CCDC33: variants seen among roughly 807,000 people sequenced by gnomAD.
The protein encoded by CCDC33 is coiled-coil domain-containing protein 33.
In CCDC33, 94 loss-of-function variants were observed where a neutral mutation model predicts 91.9. The ratio of observed to expected loss-of-function variants is 1.02; its 90% confidence interval spans 0.87 to 1.21. The LOEUF (loss-of-function observed/expected upper bound fraction) is 1.21. Among genes scored for constraint, CCDC33 ranks in the 50% most tolerant of loss-of-function variants. CCDC33 has a pLI of 0.00. For synonymous variants in CCDC33, 396 were observed against 374.5 expected (o/e 1.06, Z -0.66); for missense variants, 940 against 935.5 (o/e 1.00, Z -0.06).
chr15:74,268,504 G>T lies in CCDC33; in HGVS notation c.546+46G>T. On this transcript the variant is annotated intron_variant, in intron 5 of 18. Transcript: ENST00000398814. Reference sequence around the variant, plus strand: ...TGGGGTGGTGGTGGGGGTGGGAAAGGGCCAAGCTTTGAGCAGGCCCCACGC... The same window carrying T: ...TGGGGTGGTGGTGGGGGTGGGAAAGTGCCAAGCTTTGAGCAGGCCCCACGC... 4.2e-6 allele frequency: 6 copies of T among 1,433,202 alleles called. 1 individual carries two copies. Among genetic ancestry groups the T allele is most frequent in the Non-Finnish European group, 5.9e-6 (6 of 1,021,628 alleles). 88.8% of individuals were successfully genotyped at this position (1,433,202 alleles called of 1,614,324 possible).
At chr15:74,261,552 T>C (rs60309162) in intron 2 of CCDC33, among the ~76,000 whole-genome samples, 8,097 of 152,250 alleles carry the variant, frequency 0.053, 296 homozygotes, top group South Asian at 0.15. Context: ...AGGTGTGTGG[T>C]GTGGCTCCCC....
intron 2 of CCDC33, among the ~76,000 whole-genome samples, chr15:74,222,975 A>G (rs900719301): frequency 5.3e-5 from 8 of 151,708 alleles, no homozygotes; most frequent in Non-Finnish European, 1.0e-4. Context: ...GATTGCATAC[A>G]CTATTTCTAT....
chr15:74,255,812 C>A (rs777794374), intron 2 of CCDC33, among the ~76,000 whole-genome samples: 1 of 152,252 alleles, frequency 6.6e-6, no homozygotes, highest in African/African-American at 2.4e-5. Flanking sequence ...TTTGGGGACA[C>A]GCTCTTGGGA....
chr15:74,232,940 G>T (rs1205266389), upstream of CCDC33, among the ~76,000 whole-genome samples: 2 of 152,178 alleles, frequency 1.3e-5, no homozygotes, highest in African/African-American at 4.8e-5. Context: ...ACCCAGACCA[G>T]ATATCATCCC....
intron 2 of CCDC33, among the ~76,000 whole-genome samples, chr15:74,261,745 GC>G (rs1318794537): frequency 6.6e-6 from 1 of 152,176 alleles, no homozygotes; most frequent in Non-Finnish European, 1.5e-5. Flanking sequence ...GAGGGCCCAA[GC>G]TTACCTCTCA....
At chr15:74,217,653 C>T in intron 1 of CCDC33, 1 of 1,113,232 alleles carries the variant, frequency 9.0e-7, no homozygotes, top group Non-Finnish European at 1.1e-6. Flanking sequence ...TTCTGGGACC[C>T]CAGAGAGCCT....
At chr15:74,238,512 T>C (rs562654431) in intron 1 of CCDC33, among the ~76,000 whole-genome samples, 36 of 152,344 alleles carry the variant, frequency 2.4e-4, no homozygotes, top group Middle Eastern at 6.8e-3. Context: ...GGATAATGTT[T>C]ATAGGTTTCA....
chr15:74,336,199 C>T (rs766673958), downstream of CCDC33: 10 of 1,446,378 alleles, frequency 6.9e-6, no homozygotes, highest in Non-Finnish European at 9.1e-6. Flanking sequence ...TCCTCCTAGA[C>T]CTCACTCTGG....
chr15:74,283,814 ACACACC>A (rs1434126531), intron 10 of CCDC33, among the ~76,000 whole-genome samples: 5 of 151,980 alleles, frequency 3.3e-5, no homozygotes, highest in African/African-American at 9.7e-5. Context: ...ACACACACAC[ACACACC>A]CCCTCTACAT....
At chr15:74,286,063 T>C (rs1178507609) in intron 10 of CCDC33, among the ~76,000 whole-genome samples, 1 of 152,068 alleles carries the variant, frequency 6.6e-6, no homozygotes. Flanking sequence ...CTGGCCAACA[T>C]GGTGAAACCC....
At chr15:74,306,544 G>A (rs1253154175) in intron 11 of CCDC33, among the ~76,000 whole-genome samples, 1 of 152,230 alleles carries the variant, frequency 6.6e-6, no homozygotes, top group Non-Finnish European at 1.5e-5. Flanking sequence ...TAGTGTGTGT[G>A]TGCCTGTCTC....
chr15:74,215,886 A>AAAAG (rs1295954055), upstream of CCDC33, among the ~76,000 whole-genome samples: 2,959 of 113,814 alleles, frequency 0.026, 97 homozygotes, highest in African/African-American at 0.073. Flanking sequence ...AAAAAAAAAA[A>AAAAG]AAAGAAAGAA....
Position 74,316,302 on chromosome 15 carries a change from C to T in CCDC33, c.1291-13887C>T, listed in dbSNP as rs990886536. Among the ~76,000 whole-genome samples the T allele has an allele frequency of 6.6e-6, 1 of 152,214 alleles. No individual in the cohort carries two copies. Among genetic ancestry groups the T allele is most frequent in the Non-Finnish European group, 1.5e-5 (1 of 68,022 alleles). On this transcript the variant is annotated intron_variant, in intron 11 of 18. Coordinates refer to ENST00000398814, the MANE Select transcript of CCDC33 (RefSeq NM_025055.5). This position sits in a 1 kb window ranked among gnomAD's most constrained non-coding sequence, Gnocchi z 4.7. ...CCGCTGGGGCGCCCCTCCAGCCTCC[C>T]GCCAGAGCAGGGCTGGAAGACTGCC...
At chr15:74,226,014 G>T (rs1391518384) in intron 2 of CCDC33, among the ~76,000 whole-genome samples, 1 of 152,222 alleles carries the variant, frequency 6.6e-6, no homozygotes, top group Non-Finnish European at 1.5e-5. Context: ...CTGACAGCCT[G>T]CCCTGGGCTC....
chr15:74,315,571 T>C (rs776722098), intron 11 of CCDC33, among the ~76,000 whole-genome samples: 6 of 152,226 alleles, frequency 3.9e-5, no homozygotes, highest in Non-Finnish European at 8.8e-5. Flanking sequence ...GTGCCCAGCC[T>C]ATGGTGAGCT....
upstream of CCDC33, chr15:74,212,842 C>T (rs1034746007): frequency 6.6e-6 from 1 of 152,160 alleles, no homozygotes; most frequent in Non-Finnish European, 1.5e-5. Context: ...AATCAAAACC[C>T]CTTTTCCCCA....
At chr15:74,311,714 A>G (rs1434687950) in intron 11 of CCDC33, 1 of 152,210 alleles carries the variant, frequency 6.6e-6, no homozygotes, top group Non-Finnish European at 1.5e-5. Context: ...CAGCATTCTA[A>G]GAGTCGGTAT....
At chr15:74,204,582 G>A (rs567299610) in intron 1 of CCDC33, among the ~76,000 whole-genome samples, 6 of 152,324 alleles carry the variant, frequency 3.9e-5, no homozygotes, top group African/African-American at 1.4e-4. Flanking sequence ...CAGACAGGGA[G>A]CCCACTCCCT....
At chr15:74,297,940 C>T (rs774169238) in intron 11 of CCDC33, among the ~76,000 whole-genome samples, 4 of 152,216 alleles carry the variant, frequency 2.6e-5, no homozygotes, top group Non-Finnish European at 5.9e-5. Flanking sequence ...CCCTGACTCA[C>T]ACCACCTCTA....
Sources: allele counts gnomAD v4.1 joint callset (sites outside exome capture counted in the v4.1 genomes callset), GRCh38; gene constraint gnomAD v4.1.1; non-coding constraint Gnocchi (gnomAD v3.1); transcripts MANE v1.5; gene names NCBI Gene and HGNC (gene_info 2026-07-23, HGNC 2026-07-21).